LARP4: variants seen among roughly 807,000 people sequenced by gnomAD.
LARP4 encodes the protein la-related protein 4.
LARP4 carries 29 observed loss-of-function variants against 92.9 expected under a neutral mutation model. The observed-to-expected ratio is 0.31, with a 90% CI of 0.23 to 0.43. The LOEUF (loss-of-function observed/expected upper bound fraction) is 0.43. Ranked by LOEUF, LARP4 falls within the 20% of genes least tolerant of loss-of-function variation. LARP4 has a pLI of 1.00. For synonymous variants in LARP4, 279 were observed against 284.1 expected (o/e 0.98, Z 0.18); for missense variants, 732 against 860.0 (o/e 0.85, Z 1.86).
intron 1 of LARP4, among the ~76,000 whole-genome samples, chr12:50,427,170 C>G (rs999723204): frequency 6.6e-6 from 1 of 152,050 alleles, no homozygotes; most frequent in Admixed American, 6.6e-5. Context: ...GATAAAATTT[C>G]TAGTTATAGA....
At chr12:50,432,384 A>T (rs1404312298) in intron 4 of LARP4, among the ~76,000 whole-genome samples, 1 of 152,172 alleles carries the variant, frequency 6.6e-6, no homozygotes, top group African/African-American at 2.4e-5. Context: ...CAACAATTTT[A>T]AATGGACTCA....
intron 1 of LARP4, among the ~76,000 whole-genome samples, chr12:50,426,689 GT>G (rs1948782150): frequency 1.1e-5 from 1 of 94,154 alleles, no homozygotes; most frequent in Non-Finnish European, 1.9e-5. Flanking sequence ...TTTGGGGTGT[GT>G]GTGTGTGTGT....
chr12:50,412,951 G>A (rs1220564644), intron 1 of LARP4, among the ~76,000 whole-genome samples: 2 of 152,136 alleles, frequency 1.3e-5, no homozygotes, highest in East Asian at 1.9e-4. Flanking sequence ...TTGGCTGGGC[G>A]TGGTAGCTCA....
At chr12:50,469,831 C>T (rs147001747) in intron 13 of LARP4, among the ~76,000 whole-genome samples, 4,159 of 152,020 alleles carry the variant, frequency 0.027, 92 homozygotes, top group Non-Finnish European at 0.038. Flanking sequence ...ATCGCTTGAA[C>T]CCGGGAGGTG....
intron 13 of LARP4, among the ~76,000 whole-genome samples, chr12:50,468,200 A>G (rs1956417285): frequency 6.6e-6 from 1 of 151,960 alleles, no homozygotes; most frequent in African/African-American, 2.4e-5. Flanking sequence ...GGCTGGTCTC[A>G]AACTCCTGAC....
intron 14 of LARP4, 66 bp downstream of exon 14, chr12:50,473,602 T>C: frequency 1.3e-6 from 2 of 1,524,368 alleles, no homozygotes; most frequent in Non-Finnish European, 8.9e-7. Context: ...GTGGTGGCTC[T>C]CACCTGTAAT....
intron 10 of LARP4, among the ~76,000 whole-genome samples, chr12:50,458,782 G>T (rs780354561): frequency 1.3e-5 from 2 of 152,122 alleles, no homozygotes; most frequent in African/African-American, 4.8e-5. Flanking sequence ...TTCATCTGTT[G>T]TAAGCTTTTA....
chr12:50,403,156 A>G (rs1460148239), intron 1 of LARP4, among the ~76,000 whole-genome samples: 1 of 152,230 alleles, frequency 6.6e-6, no homozygotes, highest in Non-Finnish European at 1.5e-5. Context: ...CTTCTAGAAC[A>G]TAAATTTCTG....
intron 13 of LARP4, 41 bp from the exon 14 acceptor site, chr12:50,473,374 A>G: frequency 6.6e-7 from 1 of 1,514,500 alleles, no homozygotes; most frequent in Non-Finnish European, 9.1e-7. Flanking sequence ...TTCTTTGGAA[A>G]AAGGTCTAAG....
At chr12:50,445,507 A>T (rs979050688) in intron 8 of LARP4, among the ~76,000 whole-genome samples, 21 of 152,116 alleles carry the variant, frequency 1.4e-4, no homozygotes, top group African/African-American at 4.8e-4. Flanking sequence ...ATTTCCAAAT[A>T]CTTGCCAAAA....
chr12:50,457,469 A>G (rs1261073559), intron 10 of LARP4, among the ~76,000 whole-genome samples: 1 of 152,120 alleles, frequency 6.6e-6, no homozygotes, highest in East Asian at 1.9e-4. Flanking sequence ...GGCCTCCCAG[A>G]GTGCTGGCAT....
intron 1 of LARP4, among the ~76,000 whole-genome samples, chr12:50,422,785 T>C (rs978625482): frequency 5.0e-4 from 8 of 16,128 alleles, no homozygotes; most frequent in Admixed American, 4.2e-3. Context: ...GAAATTATAT[T>C]ATTATTATTA....
chr12:50,419,471 A>G (rs1947378794), intron 1 of LARP4, among the ~76,000 whole-genome samples: 1 of 152,174 alleles, frequency 6.6e-6, no homozygotes, highest in South Asian at 2.1e-4. Context: ...CTAACCACAG[A>G]TCCTCTTTGA....
At chr12:50,409,042 G>T (rs560149290) in intron 1 of LARP4, among the ~76,000 whole-genome samples, 2 of 152,018 alleles carry the variant, frequency 1.3e-5, no homozygotes, top group African/African-American at 4.8e-5. Context: ...GAAAGTTGCA[G>T]TTGAGCAAGA....
At chr12:50,412,032 C>T (rs1207956185) in intron 1 of LARP4, among the ~76,000 whole-genome samples, 1 of 152,058 alleles carries the variant, frequency 6.6e-6, no homozygotes, top group East Asian at 1.9e-4. Flanking sequence ...AGCTATGTAA[C>T]TTTGGGCAGA....
chr12:50,403,598 T>G (rs1290841509), intron 1 of LARP4, among the ~76,000 whole-genome samples: 1 of 152,230 alleles, frequency 6.6e-6, no homozygotes, highest in Non-Finnish European at 1.5e-5. Context: ...ATTGGACTAC[T>G]AAAGAGGTCT....
intron 8 of LARP4, among the ~76,000 whole-genome samples, chr12:50,446,677 TCAG>T: frequency 6.6e-6 from 1 of 151,106 alleles, no homozygotes; most frequent in South Asian, 2.1e-4. Flanking sequence ...TCCGCCCGCC[TCAG>T]CCCCCCAAAG....
chr12:50,468,710 TTCCTA>T (rs1401184672), intron 13 of LARP4, among the ~76,000 whole-genome samples: 9 of 152,180 alleles, frequency 5.9e-5, no homozygotes, highest in Admixed American at 2.0e-4. Context: ...ACTCACACTT[TTCCTA>T]TCCTCCTGAT....
chr12:50,471,515 A>C (rs1173001699), intron 13 of LARP4, among the ~76,000 whole-genome samples: 1 of 152,138 alleles, frequency 6.6e-6, no homozygotes, highest in Non-Finnish European at 1.5e-5. Flanking sequence ...GTTCTTTTAA[A>C]GTTTTAAAGT....
Sources: allele counts gnomAD v4.1 joint callset (sites outside exome capture counted in the v4.1 genomes callset), GRCh38; gene constraint gnomAD v4.1.1; transcripts MANE v1.5; gene names NCBI Gene and HGNC (gene_info 2026-07-23, HGNC 2026-07-21).